Variants in TACC1 observed in about 807,000 individuals in gnomAD.
TACC1 encodes transforming acidic coiled-coil containing protein 1.
Under a neutral mutation model 84.4 loss-of-function variants are expected in TACC1, and 48 were observed. That is an observed-to-expected ratio of 0.57 (90% confidence interval 0.45 to 0.72). The LOEUF is 0.72. TACC1 is among the 30% of genes least tolerant of loss of function. The probability of loss-of-function intolerance (pLI) is 0.00; values close to 1 mark genes in which losing one functional copy is unlikely to be tolerated. For missense variants in TACC1, 920 were observed against 973.0 expected (o/e 0.95, Z 0.72); for synonymous variants, 372 against 376.3 (o/e 0.99, Z 0.13).
At chr8:38,739,004 C>T (rs1039969488) in intron 1 of TACC1, among the ~76,000 whole-genome samples, 3 of 152,220 alleles carry the variant, frequency 2.0e-5, no homozygotes, top group African/African-American at 7.2e-5. Context: ...GATTCTCCTG[C>T]CTCAGCCTCC....
At chr8:38,746,056 A>G (rs1038431304) in intron 3 of TACC1, among the ~76,000 whole-genome samples, 2 of 152,178 alleles carry the variant, frequency 1.3e-5, no homozygotes, top group African/African-American at 2.4e-5. Context: ...GCTTCAAGCA[A>G]TCCTTCCACC....
At chr8:38,774,769 T>C (rs1814454562) in intron 3 of TACC1, among the ~76,000 whole-genome samples, 1 of 152,086 alleles carries the variant, frequency 6.6e-6, no homozygotes, top group South Asian at 2.1e-4. Flanking sequence ...TCCCAGCACT[T>C]TGGGAGGCCG....
intron 2 of TACC1, among the ~76,000 whole-genome samples, chr8:38,798,247 C>T (rs937916628): frequency 5.9e-5 from 9 of 151,932 alleles, no homozygotes; most frequent in East Asian, 3.9e-4. Context: ...CTCAGCCTTC[C>T]GAGTAGCTGG....
chr8:38,801,236 G>A (rs894432026), intron 2 of TACC1, among the ~76,000 whole-genome samples: 6 of 152,106 alleles, frequency 3.9e-5, no homozygotes, highest in South Asian at 2.1e-4. Flanking sequence ...TTTTGATAAC[G>A]TTCAGTTTAC....
At chr8:38,820,934 G>A (rs1434334538) in intron 3 of TACC1, among the ~76,000 whole-genome samples, 1 of 151,932 alleles carries the variant, frequency 6.6e-6, no homozygotes, top group African/African-American at 2.4e-5. Context: ...GACCAGTCAC[G>A]GTGGCTCACA....
At chr8:38,765,311 T>C (rs1056046223) in intron 3 of TACC1, among the ~76,000 whole-genome samples, 4 of 152,140 alleles carry the variant, frequency 2.6e-5, no homozygotes, top group Non-Finnish European at 4.4e-5. Context: ...TGGTATGGAG[T>C]ACATACCTGT....
At chr8:38,753,704 C>T (rs922578664) in intron 3 of TACC1, among the ~76,000 whole-genome samples, 1 of 152,196 alleles carries the variant, frequency 6.6e-6, no homozygotes, top group South Asian at 2.1e-4. Context: ...GGCCCAAAGC[C>T]CCAGCTGCCA....
At chr8:38,829,092 AACTTT>A (rs1042480915) in intron 5 of TACC1, among the ~76,000 whole-genome samples, 5 of 152,186 alleles carry the variant, frequency 3.3e-5, no homozygotes, top group Non-Finnish European at 7.3e-5. Context: ...CTTGGCCTTA[AACTTT>A]ACTTATGAAA....
chr8:38,782,343 T>C (rs930380287), upstream of TACC1, among the ~76,000 whole-genome samples: 4 of 152,000 alleles, frequency 2.6e-5, no homozygotes, highest in Admixed American at 6.6e-5. Flanking sequence ...CTACAAAGGA[T>C]ATGAACTCAT....
chr8:38,785,630 T>C (rs1816990210), upstream of TACC1: 2 of 905,212 alleles, frequency 2.2e-6, no homozygotes, highest in Non-Finnish European at 2.6e-6. Context: ...GAACAGGTCC[T>C]AGTGTATGCT....
intron 5 of TACC1, among the ~76,000 whole-genome samples, chr8:38,830,537 G>A (rs962898081): frequency 6.6e-6 from 1 of 152,192 alleles, no homozygotes; most frequent in Non-Finnish European, 1.5e-5. Flanking sequence ...AAAGTGCTGG[G>A]ATTACAGGCA....
At position 38,788,772 on chromosome 8, in the gene TACC1, C is replaced by T. The variant is rs766086508; in HGVS notation, c.230C>T (p.Ser77Phe). ...ETPIRSPFKE[S>F]CDPSLGLAGP... ...CCGATCCGATCACCTTTCAAGGAGT[C>T]CTGTGATCCATCACTCGGATTGGCA... The change falls in exon 2 of 13, where the codon TCC (serine) becomes TTC (phenylalanine). Residue 77 changes from serine to phenylalanine, a missense_variant. Ser to Phe is a radical substitution (Grantham distance 155). Around this residue, in one of 2 missense-constraint regions of TACC1, gnomAD observed 762 missense variants for 747.3 expected, o/e 1.02. Coordinates refer to ENST00000317827, the MANE Select transcript of TACC1 (RefSeq NM_006283.3). The T allele has an allele frequency of 1.5e-5, 25 of 1,613,788 alleles. No homozygotes were observed. Among genetic ancestry groups the T allele is most frequent in the Non-Finnish European group, 2.1e-5 (25 of 1,179,898 alleles).
intron 2 of TACC1, among the ~76,000 whole-genome samples, chr8:38,818,318 A>C (rs1031897280): frequency 2.6e-5 from 4 of 152,242 alleles, no homozygotes; most frequent in Non-Finnish European, 5.9e-5. Context: ...GTAGGATTAG[A>C]GGGTCATCTT....
At chr8:38,781,978 A>C (rs1470759904) in intron 3 of TACC1, among the ~76,000 whole-genome samples, 1 of 144,942 alleles carries the variant, frequency 6.9e-6, no homozygotes, top group Non-Finnish European at 1.5e-5. Flanking sequence ...GTAAATCTTT[A>C]TTTTTTTTAT....
At chr8:38,746,754 A>G (rs1808162986) in intron 3 of TACC1, among the ~76,000 whole-genome samples, 2 of 152,236 alleles carry the variant, frequency 1.3e-5, no homozygotes, top group Non-Finnish European at 2.9e-5. Context: ...TAAATGGGCC[A>G]TGAAAAGTTA....
At chr8:38,793,330 A>T (rs1017966651) in intron 2 of TACC1, among the ~76,000 whole-genome samples, 4 of 152,072 alleles carry the variant, frequency 2.6e-5, no homozygotes, top group Admixed American at 2.6e-4. Context: ...GCAAACTGTG[A>T]CTCATAGACC....
intron 3 of TACC1, among the ~76,000 whole-genome samples, chr8:38,774,934 C>A (rs952057504): frequency 3.3e-5 from 5 of 150,054 alleles, no homozygotes; most frequent in African/African-American, 4.9e-5. Context: ...TCGCTTGAAC[C>A]CCAGAGGCAG....
intron 1 of TACC1, among the ~76,000 whole-genome samples, chr8:38,730,226 C>A (rs1804651556): frequency 6.6e-6 from 1 of 152,316 alleles, no homozygotes; most frequent in East Asian, 1.9e-4. Context: ...TCGCCTTCTG[C>A]CCTAGGGAAC....
chr8:38,813,887 A>G (rs746284847), intron 2 of TACC1, among the ~76,000 whole-genome samples: 53 of 152,318 alleles, frequency 3.5e-4, no homozygotes, highest in African/African-American at 1.3e-3. Flanking sequence ...ATATGTATAC[A>G]TCATTGAGAA....
Sources: allele counts gnomAD v4.1 joint callset (sites outside exome capture counted in the v4.1 genomes callset), GRCh38; gene constraint gnomAD v4.1.1; regional missense constraint gnomAD v4.1.1; transcripts MANE v1.5; gene names NCBI Gene and HGNC (gene_info 2026-07-23, HGNC 2026-07-21).